ULK4: variants seen among roughly 807,000 people sequenced by gnomAD.
ULK4 encodes the protein unc-51 like kinase 4.
ULK4 carries 133 observed loss-of-function variants against 160.6 expected under a neutral mutation model. That is an observed-to-expected ratio of 0.83 (90% CI 0.72 to 0.96). The LOEUF is 0.96. ULK4 is among the 40% of genes least tolerant of loss of function. The pLI is 0.00. For missense variants in ULK4, 1,580 were observed against 1,499.5 expected (o/e 1.05, Z -0.89); for synonymous variants, 534 against 539.8 (o/e 0.99, Z 0.15).
At position 41,749,745 on chromosome 3, in the gene ULK4, T is replaced by C. The variant is rs375196893; in HGVS notation, c.2321+4616A>G. 4.1e-4 allele frequency among the ~76,000 whole-genome samples: 62 copies of C among 152,232 alleles called. 1 individual carries two copies. In the South Asian group the frequency reaches 9.8e-3, roughly 24 times the overall value. ...CCAATTCCATTAATCTTAAGACACA[T>C]AGATAATCTGAGTGAGCCTAAGCTA... On this transcript the variant is annotated intron_variant, in intron 22 of 36. Transcript: ENST00000301831.
At chr3:41,341,544 CT>C (rs2080684875) in intron 35 of ULK4, among the ~76,000 whole-genome samples, 1 of 152,150 alleles carries the variant, frequency 6.6e-6, no homozygotes, top group African/African-American at 2.4e-5. Context: ...ACCCACTGGC[CT>C]TGAATAATGG....
intron 35 of ULK4, among the ~76,000 whole-genome samples, chr3:41,254,744 T>C (rs2078802132): frequency 6.6e-6 from 1 of 151,420 alleles, no homozygotes; most frequent in African/African-American, 2.4e-5. Context: ...TAGCCAGGCG[T>C]GGTGGAGGGT....
intron 32 of ULK4, among the ~76,000 whole-genome samples, chr3:41,536,593 C>T (rs1204688787): frequency 2.6e-5 from 4 of 152,152 alleles, no homozygotes; most frequent in Non-Finnish European, 5.9e-5. Flanking sequence ...GTATTATTAA[C>T]TGTATTCTTA....
chr3:41,547,085 A>G (rs752995903), intron 32 of ULK4, among the ~76,000 whole-genome samples: 12 of 152,240 alleles, frequency 7.9e-5, no homozygotes, highest in South Asian at 4.1e-4. Flanking sequence ...AGTCACTGTC[A>G]TAAGAGAAAG....
chr3:41,749,327 A>G (rs2125891108), intron 22 of ULK4, among the ~76,000 whole-genome samples: 1 of 152,206 alleles, frequency 6.6e-6, no homozygotes, highest in Middle Eastern at 3.4e-3. Context: ...TACTAAAAAT[A>G]CAAAAATTAG....
chr3:41,497,772 C>G (rs760801000), intron 32 of ULK4, among the ~76,000 whole-genome samples: 3 of 152,140 alleles, frequency 2.0e-5, no homozygotes, highest in Non-Finnish European at 4.4e-5. Flanking sequence ...GTCTCACCTA[C>G]TCACGAGGTT....
At chr3:41,492,815 T>C (rs1370952966) in intron 32 of ULK4, among the ~76,000 whole-genome samples, 1 of 142,424 alleles carries the variant, frequency 7.0e-6, no homozygotes, top group East Asian at 2.0e-4. Context: ...CCAGCAAAGA[T>C]CAAAACAGAC....
In ULK4 at chr3:41,646,260, G is replaced by A. The variant is rs183858530; in HGVS notation, c.3071+17347C>T. On this transcript the variant is annotated intron_variant, in intron 30 of 36. Transcript: ENST00000301831. The stretch of plus-strand genomic sequence containing the variant: ...ATGATGTTAGCTGGTTATTTTGCTC[G>A]TTAGTTGATGCAGTTTCTTCCTAGT... Among the ~76,000 whole-genome samples, 385 of 152,226 alleles carry A rather than the reference G, an allele frequency of 2.5e-3. 1 individual carries two copies. The highest frequency in any genetic ancestry group is 8.1e-3 in the African/African-American group (338 of 41,544).
intron 35 of ULK4, chr3:41,251,197 T>C (rs1274527886): frequency 1.3e-5 from 2 of 152,218 alleles, no homozygotes; most frequent in South Asian, 2.1e-4. Context: ...AATGGTATCA[T>C]GTGTAGCTGA....
chr3:41,617,082 G>A (rs2033011734), intron 30 of ULK4, among the ~76,000 whole-genome samples: 1 of 152,240 alleles, frequency 6.6e-6, no homozygotes, highest in Non-Finnish European at 1.5e-5. Context: ...GCATCTCTGA[G>A]GAAAGGTAGC....
At chr3:41,847,913 T>A (rs1264995098) in intron 17 of ULK4, among the ~76,000 whole-genome samples, 1 of 152,226 alleles carries the variant, frequency 6.6e-6, no homozygotes, top group South Asian at 2.1e-4. Context: ...AGGCCAATAA[T>A]GCCAGGGGAG....
In ULK4 at chr3:41,558,984, T is replaced by C. The variant is rs559551236; in HGVS notation, c.3226+7041A>G. Among the ~76,000 whole-genome samples the C allele has an allele frequency of 1.2e-3, 154 of 132,314 alleles. 5 individuals carry two copies. Among genetic ancestry groups the C allele is most frequent in the African/African-American group, 3.6e-3 (143 of 39,410 alleles). The allele number at this position is 132,314 out of a possible 152,430, so 86.8% of individuals were successfully genotyped here. ...CTGGTGTGCTGCACCCATTAACTCA[T>C]CATTTAACATTAGGTGTATCTCCTA... On this transcript the variant is annotated intron_variant, in intron 32 of 36. Transcript: ENST00000301831.
intron 35 of ULK4, among the ~76,000 whole-genome samples, chr3:41,295,466 C>T (rs906488997): frequency 7.5e-6 from 1 of 133,412 alleles, no homozygotes; most frequent in Non-Finnish European, 1.7e-5. Context: ...AAAGAAATAA[C>T]TGATAAGCTG....
At chr3:41,775,496 T>G (rs991029530) in intron 21 of ULK4, among the ~76,000 whole-genome samples, 15 of 149,862 alleles carry the variant, frequency 1.0e-4, no homozygotes, top group Admixed American at 6.6e-4. Context: ...CCTCCCAGTT[T>G]CAAGCGATTC....
At chr3:41,831,200 G>C (rs1013560216) in intron 18 of ULK4, among the ~76,000 whole-genome samples, 1 of 151,554 alleles carries the variant, frequency 6.6e-6, no homozygotes, top group Non-Finnish European at 1.5e-5. Context: ...GCTAATTTTT[G>C]CAAGTTTTTT....
At chr3:41,393,445 C>T (rs1005450499) in intron 35 of ULK4, among the ~76,000 whole-genome samples, 2 of 152,140 alleles carry the variant, frequency 1.3e-5, no homozygotes, top group South Asian at 2.1e-4. Flanking sequence ...TGGGTCTTTG[C>T]TCAGGATGTG....
intron 34 of ULK4, among the ~76,000 whole-genome samples, chr3:41,407,025 CA>C (rs2082307634): frequency 6.6e-6 from 1 of 151,986 alleles, no homozygotes; most frequent in African/African-American, 2.4e-5. Flanking sequence ...GGAGACAGAG[CA>C]AAAAGTCCTG....
chr3:41,849,556 C>A (rs1005069807), intron 17 of ULK4, among the ~76,000 whole-genome samples: 2 of 152,146 alleles, frequency 1.3e-5, no homozygotes, highest in African/African-American at 4.8e-5. Context: ...CTGTATTATA[C>A]TATAATGGTA....
Position 41,394,385 on chromosome 3 carries a change from G to T in ULK4, c.3678+3694C>A, listed in dbSNP as rs377520104. 1.5e-4 allele frequency among the ~76,000 whole-genome samples: 23 copies of T among 152,192 alleles called. No homozygotes were observed. The South Asian group carries it at 4.8e-3, about 32-fold the overall frequency. On this transcript the variant is annotated intron_variant, in intron 35 of 36. Transcript: ENST00000301831. ...GTGTACTAACCTCAGTACAGATGGG[G>T]TTACTTCCCAATAAACCCATCATAA...
Sources: allele counts gnomAD v4.1 joint callset (sites outside exome capture counted in the v4.1 genomes callset), GRCh38; gene constraint gnomAD v4.1.1; transcripts MANE v1.5; gene names NCBI Gene and HGNC (gene_info 2026-07-23, HGNC 2026-07-21).